The following GPD2 variants were observed in gnomAD, a reference collection of about 807,000 sequenced individuals.
The protein encoded by GPD2 is glycerol-3-phosphate dehydrogenase 2, also known as glycerol-3-phosphate dehydrogenase, mitochondrial.
GPD2 carries 54 observed loss-of-function variants against 82.4 expected under a neutral mutation model. That is an observed-to-expected ratio of 0.66 (90% CI 0.53 to 0.82). The LOEUF is 0.82. GPD2 is among the 40% of genes least tolerant of loss of function. GPD2 has a pLI of 0.00. For missense variants in GPD2, 748 were observed against 896.2 expected (o/e 0.83, Z 2.11); for synonymous variants, 288 against 306.1 (o/e 0.94, Z 0.62).
chr2:156,497,927 T>C (rs1684443037), intron 3 of GPD2, among the ~76,000 whole-genome samples: 1 of 152,114 alleles, frequency 6.6e-6, no homozygotes, highest in African/African-American at 2.4e-5. Context: ...GAATAGATAA[T>C]TTGAATTCAG....
At chr2:156,563,851 G>A (rs1181302560) in intron 9 of GPD2, among the ~76,000 whole-genome samples, 4 of 152,096 alleles carry the variant, frequency 2.6e-5, no homozygotes, top group Admixed American at 1.3e-4. Flanking sequence ...TCAGCCACTT[G>A]TAGTTATTTA....
the GPD2 span, among the ~76,000 whole-genome samples, chr2:156,426,202 C>G: frequency 3.6e-4 from 55 of 152,288 alleles, no homozygotes; most frequent in African/African-American, 1.3e-3. Flanking sequence ...GGATTACAGG[C>G]GTGAGCCACC....
intron 4 of GPD2, 69 bp downstream of exon 4, chr2:156,510,989 T>C: frequency 7.4e-7 from 1 of 1,360,078 alleles, no homozygotes; most frequent in Admixed American, 1.7e-5. Context: ...TAAATCAGGT[T>C]TTTTTTTCTT....
chr2:156,400,803 C>CT, the GPD2 span, among the ~76,000 whole-genome samples: 4 of 152,192 alleles, frequency 2.6e-5, no homozygotes, highest in Admixed American at 6.5e-5. Flanking sequence ...GCGCGCTTCG[C>CT]ATGTGTGAGG....
intron 1 of GPD2, among the ~76,000 whole-genome samples, chr2:156,475,104 A>C (rs922718357): frequency 1.3e-5 from 2 of 152,064 alleles, no homozygotes; most frequent in African/African-American, 4.8e-5. Flanking sequence ...AGCCAGACTC[A>C]GTCTCTACAA....
chr2:156,449,678 A>G (rs1463838203), intron 1 of GPD2, among the ~76,000 whole-genome samples: 1 of 152,102 alleles, frequency 6.6e-6, no homozygotes, highest in Non-Finnish European at 1.5e-5. Flanking sequence ...TTGCCCAACC[A>G]AGAACTTATT....
chr2:156,541,608 C>T (rs1686313164), intron 6 of GPD2, among the ~76,000 whole-genome samples: 1 of 152,086 alleles, frequency 6.6e-6, no homozygotes, highest in African/African-American at 2.4e-5. Context: ...AATAACTTTA[C>T]CCTCAAAGCC....
chr2:156,410,757 G>A, the GPD2 span, among the ~76,000 whole-genome samples: 1 of 152,184 alleles, frequency 6.6e-6, no homozygotes, highest in African/African-American at 2.4e-5. Context: ...ATTTGACTCT[G>A]TTTTGCTTCT....
rs757788519 is a variant in GPD2 at position 156,513,520 on chromosome 2, T to TC, written c.661+26dup. 1.2e-5 allele frequency: 18 copies of TC among 1,525,428 alleles called. No homozygotes were observed. The Middle Eastern group carries it at 6.9e-4, about 59-fold the overall frequency. The allele number at this position is 1,525,428 out of a possible 1,614,324, so 94.5% of individuals were successfully genotyped here. A position where few individuals can be genotyped will look rare whatever the true frequency, so the allele number is the denominator to read the frequency against. On this transcript the variant is annotated intron_variant, in intron 6 of 16. Coordinates refer to ENST00000438166, the MANE Select transcript of GPD2 (RefSeq NM_000408.5). ...CGGTATGTGATGTTTTTTTTTTTTTTCCTCACAAGATACTTTTCTCTCACT... is the reference window on the plus strand; with the variant it reads ...CGGTATGTGATGTTTTTTTTTTTTTTCCCTCACAAGATACTTTTCTCTCACT...
intron 3 of GPD2, among the ~76,000 whole-genome samples, chr2:156,502,355 A>C (rs1239374442): frequency 6.6e-6 from 1 of 152,222 alleles, no homozygotes; most frequent in Admixed American, 6.6e-5. Context: ...TAAAAGCAAA[A>C]AGGTGAAATT....
intron 1 of GPD2, among the ~76,000 whole-genome samples, chr2:156,443,662 G>C (rs186836384): frequency 6.6e-6 from 1 of 152,180 alleles, no homozygotes; most frequent in Admixed American, 6.5e-5. Context: ...TTTAGGAGAG[G>C]GAAGGGGCGA....
chr2:156,436,275 C>T (rs1437811822), upstream of GPD2: 1 of 152,736 alleles, frequency 6.5e-6, no homozygotes, highest in South Asian at 2.1e-4. Flanking sequence ...CTGGTCAGGC[C>T]TCCGGGAGGG....
At chr2:156,574,931 T>C (rs978571210) in intron 13 of GPD2, among the ~76,000 whole-genome samples, 1 of 152,222 alleles carries the variant, frequency 6.6e-6, no homozygotes, top group Admixed American at 6.5e-5. Flanking sequence ...ATTCAATTTA[T>C]AATTTACTAC....
chr2:156,571,335 C>T lies in GPD2; in HGVS notation c.1767+43C>T, dbSNP rs113024073. The T allele has an allele frequency of 6.5e-5, 82 of 1,259,116 alleles. 2 individuals carry two copies. The East Asian group carries it at 9.9e-4, about 15-fold the overall frequency. The allele number at this position is 1,259,116 out of a possible 1,614,324, so 78.0% of individuals were successfully genotyped here. On this transcript the variant is annotated intron_variant, in intron 13 of 16. Transcript: ENST00000438166. ...TTAAAACCACAATTCCTATTGTAAA[C>T]GCGGAATGGCTTAATTTGTTAGTAG... is the stretch of plus-strand genomic sequence containing the variant.
At chr2:156,495,432 A>G (rs1040481985) in intron 2 of GPD2, 6 of 230,884 alleles carry the variant, frequency 2.6e-5, no homozygotes, top group Non-Finnish European at 5.7e-5. Context: ...AATATTTAGT[A>G]TGGAAGTCTT....
At chr2:156,569,697 G>A (rs1164129289) in intron 11 of GPD2, among the ~76,000 whole-genome samples, 159 bp downstream of exon 11, 1 of 152,060 alleles carries the variant, frequency 6.6e-6, no homozygotes, top group Admixed American at 6.5e-5. Context: ...ATCTTGCTTT[G>A]CTTTACTTGC....
intron 1 of GPD2, among the ~76,000 whole-genome samples, chr2:156,457,922 G>C (rs1374308414): frequency 6.6e-6 from 1 of 152,164 alleles, no homozygotes; most frequent in Admixed American, 6.5e-5. Flanking sequence ...TGTGACAAAA[G>C]AGATTTTATA....
the GPD2 span, among the ~76,000 whole-genome samples, chr2:156,417,223 G>GA: frequency 1.1e-4 from 17 of 152,158 alleles, no homozygotes; most frequent in African/African-American, 3.6e-4. Flanking sequence ...GGTATTTGTT[G>GA]AAGAGTGATT....
intron 5 of GPD2, 58 bp downstream of exon 5, chr2:156,512,375 G>T: frequency 1.2e-6 from 1 of 838,976 alleles, no homozygotes. Context: ...TAGAACAACA[G>T]TTTTAATGGA....
Sources: allele counts gnomAD v4.1 joint callset (sites outside exome capture counted in the v4.1 genomes callset), GRCh38; gene constraint gnomAD v4.1.1; transcripts MANE v1.5; gene names NCBI Gene and HGNC (gene_info 2026-07-23, HGNC 2026-07-21).